The following MRC2 variants were observed in gnomAD, a reference collection of about 807,000 sequenced individuals.
MRC2 encodes C-type mannose receptor 2.
A neutral mutation model predicts 206.2 loss-of-function variants in MRC2; 84 were observed. That is an observed-to-expected ratio of 0.41 (90% CI 0.34 to 0.49). The LOEUF (loss-of-function observed/expected upper bound fraction) is 0.49. Among genes scored for constraint, MRC2 ranks in the 20% least tolerant of loss-of-function variants. MRC2 has a pLI of 0.31. For missense variants in MRC2, 1,676 were observed against 2,001.5 expected (o/e 0.84, Z 3.10); for synonymous variants, 798 against 800.0 (o/e 1.00, Z 0.04).
intron 1 of MRC2, among the ~76,000 whole-genome samples, chr17:62,639,968 C>T (rs1325510981): frequency 2.6e-5 from 4 of 151,364 alleles, no homozygotes; most frequent in African/African-American, 7.3e-5. Flanking sequence ...ATTCTTCTGC[C>T]TCAGCCTCCC....
chr17:62,682,183 C>T (rs1393815785), intron 19 of MRC2, 52 bp from the exon 20 acceptor site: 17 of 1,490,428 alleles, frequency 1.1e-5, no homozygotes, highest in Non-Finnish European at 1.5e-5. Flanking sequence ...GCCAGCCATG[C>T]CCTGCCCTGC....
intron 24 of MRC2, 64 bp from the exon 25 acceptor site, chr17:62,689,830 C>T: frequency 6.5e-7 from 1 of 1,543,422 alleles, no homozygotes. Flanking sequence ...CTTCCTGCCC[C>T]CGCCTTATCC....
chr17:62,681,844 G>A lies in MRC2; in HGVS notation c.2710G>A (p.Asp904Asn). The A allele has an allele frequency of 6.2e-7, 1 of 1,613,410 alleles. No homozygotes were observed. The highest frequency in any genetic ancestry group is 8.5e-7 in the Non-Finnish European group (1 of 1,179,718). ...SESDGRFRWTDGSIINFISWA... is the reference protein window; with the variant it reads ...SESDGRFRWTNGSIINFISWA... ...TGCTCCATGCCATTGCAGATGGACA[G>A]ATGGTTCCATTATAAACTTCATCTC... Residue 904 changes from aspartate (D) to asparagine (N), a missense_variant, in exon 19 of 30, where the codon GAT (aspartate) becomes AAT (asparagine). By Grantham distance (23) the Asp-to-Asn change is conservative (BLOSUM62 1). Around this residue, in one of 3 missense-constraint regions of MRC2, gnomAD observed 1,354 missense variants for 1,636.6 expected, o/e 0.83. Coordinates refer to ENST00000303375, the MANE Select transcript of MRC2 (RefSeq NM_006039.5).
chr17:62,647,262 C>T (rs955949112), intron 1 of MRC2, among the ~76,000 whole-genome samples: 1 of 148,240 alleles, frequency 6.7e-6, no homozygotes, highest in Non-Finnish European at 1.5e-5. Context: ...TGGCTCACTG[C>T]AACCTCCGCC....
intron 6 of MRC2, among the ~76,000 whole-genome samples, chr17:62,669,660 C>T (rs2088802635): frequency 6.6e-6 from 1 of 152,158 alleles, no homozygotes; most frequent in African/African-American, 2.4e-5. Flanking sequence ...TCAAGCGATT[C>T]TCATGCTCCA....
At chr17:62,637,581 T>C (rs1366746552) in intron 1 of MRC2, among the ~76,000 whole-genome samples, 1 of 150,764 alleles carries the variant, frequency 6.6e-6, no homozygotes, top group Non-Finnish European at 1.5e-5. Context: ...CCCGGCCTTC[T>C]CAGTGCTTGT....
chr17:62,677,774 G>T (rs1026069170), intron 12 of MRC2, among the ~76,000 whole-genome samples: 1 of 152,210 alleles, frequency 6.6e-6, no homozygotes, highest in Non-Finnish European at 1.5e-5. Flanking sequence ...AATCTTGGCC[G>T]GGCGCAGTGG....
At chr17:62,648,168 C>A (rs2088512817) in intron 1 of MRC2, among the ~76,000 whole-genome samples, 1 of 152,202 alleles carries the variant, frequency 6.6e-6, no homozygotes, top group Admixed American at 6.5e-5. Context: ...CTTTGAGAGG[C>A]CCAGGCGGGC....
chr17:62,671,665 G>A lies in MRC2; in HGVS notation c.1134G>A (p.Val378=), dbSNP rs1375928942. 6.3e-7 allele frequency: 1 copy of A among 1,590,838 alleles called. No homozygotes were observed. Among genetic ancestry groups the A allele is most frequent in the South Asian group, 1.1e-5 (1 of 87,238 alleles). The change falls in exon 7 of 30, where the codon GTG becomes GTA. Residue 378 remains valine (V), a synonymous_variant. Coordinates refer to ENST00000303375, the MANE Select transcript of MRC2 (RefSeq NM_006039.5). The surrounding 1 kb of genome is among the most constrained non-coding windows in gnomAD (Gnocchi z 4.5). ...EPTPPDRWAN[V]KVECEPSWQP... ...TCTCTGCAGACAGGTGGGCCAATGT[G>A]AAGGTGGAGTGCGAGCCGAGCTGGC... is the stretch of plus-strand genomic sequence containing the variant.
intron 1 of MRC2, among the ~76,000 whole-genome samples, chr17:62,655,833 G>A (rs912590159): frequency 6.6e-6 from 1 of 151,716 alleles, no homozygotes. Flanking sequence ...ACCCCCAACC[G>A]TGCAGACTTA....
chr17:62,643,701 CG>C lies in MRC2; in HGVS notation c.118+15782del, dbSNP rs560209623. ...TCACTAGCAAAACAATTTCACCTCTCGCAACAGTGCCAGGAAAGATTGATAT... is the reference window on the plus strand; with the variant it reads ...TCACTAGCAAAACAATTTCACCTCTCCAACAGTGCCAGGAAAGATTGATAT... On this transcript the variant is annotated intron_variant, in intron 1 of 29. Coordinates refer to ENST00000303375, the MANE Select transcript of MRC2 (RefSeq NM_006039.5). 1.1e-3 allele frequency among the ~76,000 whole-genome samples: 173 copies of C among 152,262 alleles called. 1 individual carries two copies. The highest frequency in any genetic ancestry group is 4.1e-3 in the African/African-American group (169 of 41,530).
At chr17:62,641,619 A>T (rs1368203704) in intron 1 of MRC2, among the ~76,000 whole-genome samples, 1 of 152,232 alleles carries the variant, frequency 6.6e-6, no homozygotes, top group Admixed American at 6.5e-5. Context: ...CAAAAACAAA[A>T]ATGTACTTGG....
Position 62,679,821 on chromosome 17 carries a change from C to A in MRC2, c.2217C>A (p.His739Gln). Residue 739 changes from histidine to glutamine, a missense_variant, in exon 14 of 30, where the codon CAC (histidine) becomes CAA (glutamine). This residue lies in a region of MRC2 where 1,354 missense variants were observed against 1,636.6 expected (regional missense o/e 0.83). Coordinates refer to ENST00000303375, the MANE Select transcript of MRC2 (RefSeq NM_006039.5). ...GAAGTGAATCAGAACCCGAGATCCA[C>A]GAGCAGCACTGGTTCTGGATCGGCC... ...KIFGESEPEI[H>Q]EQHWFWIGLN... 6.2e-7 allele frequency: 1 copy of A among 1,614,004 alleles called. No individual in the cohort carries two copies. Among genetic ancestry groups the A allele is most frequent in the Non-Finnish European group, 8.5e-7 (1 of 1,179,982 alleles).
At chr17:62,687,256 G>A (rs2089043184) in intron 20 of MRC2, among the ~76,000 whole-genome samples, 2 of 152,166 alleles carry the variant, frequency 1.3e-5, no homozygotes, top group Non-Finnish European at 2.9e-5. Flanking sequence ...CGCCTCCTGG[G>A]TTCAAGCGAT....
intron 6 of MRC2, among the ~76,000 whole-genome samples, chr17:62,669,106 ACAC>A (rs2088793706): frequency 6.6e-6 from 1 of 151,960 alleles, no homozygotes. Flanking sequence ...ACACACACAC[ACAC>A]ACACACACAC....
chr17:62,681,267 C>A, intron 18 of MRC2, 138 bp downstream of exon 18: 1 of 1,000,578 alleles, frequency 1.0e-6, no homozygotes, highest in Admixed American at 2.7e-5. Flanking sequence ...CTTAACCTTT[C>A]TGGGCCTTGG....
chr17:62,682,794 A>G (rs1018143202), intron 20 of MRC2, among the ~76,000 whole-genome samples: 16 of 151,900 alleles, frequency 1.1e-4, no homozygotes, highest in Non-Finnish European at 2.1e-4. Flanking sequence ...GGCACCTGCC[A>G]CCACCCCTGG....
intron 1 of MRC2, among the ~76,000 whole-genome samples, chr17:62,631,495 G>A (rs1018256721): frequency 2.6e-5 from 4 of 152,088 alleles, no homozygotes; most frequent in African/African-American, 7.3e-5. Context: ...CGTTTCCATC[G>A]CATGAAGCAC....
In MRC2 at chr17:62,664,940, C is replaced by T. The variant is rs1421887547; in HGVS notation, c.511C>T (p.Pro171Ser). Residue 171 changes from proline to serine, a missense_variant, in exon 2 of 30, where the codon CCC (proline) becomes TCC (serine). Physicochemically the swap from Pro to Ser is moderately conservative, Grantham distance 74. Transcript: ENST00000303375. This position sits in a 1 kb window ranked among gnomAD's most constrained non-coding sequence, Gnocchi z 4.7. ...CAGCGAGGAGGACCTATGTGCTCTG[C>T]CCTACCACGGTGAGGGGCCGCTTGC... Reference protein sequence around the residue: ...YGSEEDLCALPYHEVYTIQGN... With the variant: ...YGSEEDLCALSYHEVYTIQGN... The T allele has an allele frequency of 6.2e-7, 1 of 1,603,666 alleles. No individual in the cohort carries two copies. Among genetic ancestry groups the T allele is most frequent in the South Asian group, 1.1e-5 (1 of 90,606 alleles).
Sources: allele counts gnomAD v4.1 joint callset (sites outside exome capture counted in the v4.1 genomes callset), GRCh38; gene constraint gnomAD v4.1.1; regional missense constraint gnomAD v4.1.1; non-coding constraint Gnocchi (gnomAD v3.1); transcripts MANE v1.5; gene names NCBI Gene and HGNC (gene_info 2026-07-23, HGNC 2026-07-21).